Variants in NBAS observed in about 807,000 individuals in gnomAD.
The protein encoded by NBAS is NAG/BC035112 fusion.
Under a neutral mutation model 302.5 loss-of-function variants are expected in NBAS, and 219 were observed. The observed-to-expected ratio is 0.72, with a 90% CI of 0.65 to 0.81. The LOEUF (loss-of-function observed/expected upper bound fraction) is 0.81. Among genes scored for constraint, NBAS ranks in the 30% least tolerant of loss-of-function variants. The pLI, the probability that NBAS is intolerant of heterozygous loss-of-function variation, is 0.00. For synonymous variants in NBAS, 1,118 were observed against 1,021.6 expected (o/e 1.09, Z -1.80); for missense variants, 2,932 against 2,841.6 (o/e 1.03, Z -0.72).
At chr2:15,528,366 T>C (rs893066599) in intron 9 of NBAS, among the ~76,000 whole-genome samples, 2 of 148,852 alleles carry the variant, frequency 1.3e-5, no homozygotes, top group Non-Finnish European at 3.0e-5. Context: ...TTAATATATT[T>C]TTATATATAT....
At chr2:15,009,192 C>G in the NBAS span, among the ~76,000 whole-genome samples, 1 of 152,172 alleles carries the variant, frequency 6.6e-6, no homozygotes, top group Admixed American at 6.5e-5. Flanking sequence ...TGGACTGAGA[C>G]AAGAAAAAGG....
At chr2:14,863,135 A>G in the NBAS span, among the ~76,000 whole-genome samples, 1 of 152,224 alleles carries the variant, frequency 6.6e-6, no homozygotes, top group East Asian at 1.9e-4. Context: ...GCTCTGCAGA[A>G]GAGCATGACA....
chr2:15,370,441 C>G (rs572120847), intron 31 of NBAS, among the ~76,000 whole-genome samples: 1 of 152,276 alleles, frequency 6.6e-6, no homozygotes, highest in East Asian at 1.9e-4. Context: ...TACAGGCATG[C>G]ACCACCAAGC....
the NBAS span, among the ~76,000 whole-genome samples, chr2:15,047,532 T>C: frequency 5.9e-5 from 9 of 151,732 alleles, no homozygotes; most frequent in African/African-American, 2.2e-4. Context: ...CCCGGGCAGA[T>C]GAAGGCTGGA....
At chr2:15,346,596 A>G (rs879565781) in intron 35 of NBAS, among the ~76,000 whole-genome samples, 2 of 152,212 alleles carry the variant, frequency 1.3e-5, no homozygotes, top group Non-Finnish European at 2.9e-5. Flanking sequence ...CAGTATGGCA[A>G]TTTCTCAAGG....
the NBAS span, among the ~76,000 whole-genome samples, chr2:14,981,184 C>T: frequency 6.6e-6 from 1 of 152,012 alleles, no homozygotes; most frequent in Non-Finnish European, 1.5e-5. Flanking sequence ...TAAATGAAAA[C>T]ACCATGTTAA....
At chr2:15,302,716 T>C (rs544030404) in intron 40 of NBAS, among the ~76,000 whole-genome samples, 5 of 152,352 alleles carry the variant, frequency 3.3e-5, no homozygotes, top group South Asian at 2.1e-4. Context: ...GTATTGTTCC[T>C]GGGTGTGTCT....
At chr2:15,168,035 G>A (rs561738826) in intron 51 of NBAS, among the ~76,000 whole-genome samples, 75 of 152,134 alleles carry the variant, frequency 4.9e-4, no homozygotes, top group African/African-American at 1.5e-3. Flanking sequence ...TTCAGTTTGC[G>A]TATTCTCTTT....
the NBAS span, among the ~76,000 whole-genome samples, chr2:14,991,609 G>A: frequency 1.3e-5 from 2 of 152,186 alleles, no homozygotes; most frequent in Admixed American, 6.5e-5. Flanking sequence ...CATTAAATCA[G>A]AAACTCTGGA....
At chr2:15,363,387 T>C (rs1347351596) in intron 32 of NBAS, among the ~76,000 whole-genome samples, 1 of 152,244 alleles carries the variant, frequency 6.6e-6, no homozygotes, top group Non-Finnish European at 1.5e-5. Context: ...TCTTATGTTA[T>C]CAGATCAATT....
chr2:15,506,760 A>G (rs1156451337), intron 10 of NBAS, among the ~76,000 whole-genome samples: 1 of 152,194 alleles, frequency 6.6e-6, no homozygotes, highest in African/African-American at 2.4e-5. Context: ...CCAATGTACA[A>G]ATATTATGTA....
chr2:15,187,829 A>G (rs1441740469), intron 49 of NBAS, among the ~76,000 whole-genome samples: 1 of 152,230 alleles, frequency 6.6e-6, no homozygotes, highest in African/African-American at 2.4e-5. Context: ...CCCTGAAAAG[A>G]ATTTCAAGTG....
At chr2:15,418,967 A>G (rs1677076624) in intron 23 of NBAS, among the ~76,000 whole-genome samples, 1 of 152,190 alleles carries the variant, frequency 6.6e-6, no homozygotes, top group South Asian at 2.1e-4. Flanking sequence ...CTGATGAATG[A>G]AATGTACATG....
chr2:15,471,252 G>T (rs944112232), intron 16 of NBAS, among the ~76,000 whole-genome samples: 1 of 152,122 alleles, frequency 6.6e-6, no homozygotes, highest in Non-Finnish European at 1.5e-5. Flanking sequence ...CAGAATTAGT[G>T]TTTTGATTTT....
At chr2:15,311,838 G>A (rs905337747) in intron 38 of NBAS, among the ~76,000 whole-genome samples, 3 of 151,906 alleles carry the variant, frequency 2.0e-5, no homozygotes, top group African/African-American at 7.3e-5. Context: ...AAATCATCTC[G>A]GTGTTAGAAA....
At chr2:15,502,276 C>T (rs574755104) in intron 11 of NBAS, among the ~76,000 whole-genome samples, 1 of 152,328 alleles carries the variant, frequency 6.6e-6, no homozygotes, top group East Asian at 1.9e-4. Context: ...TGTGAAAATA[C>T]TTGTCAAAGT....
At chr2:15,256,888 T>A (rs1668625251) in intron 44 of NBAS, among the ~76,000 whole-genome samples, 1 of 152,238 alleles carries the variant, frequency 6.6e-6, no homozygotes, top group Non-Finnish European at 1.5e-5. Context: ...AATTCATCCC[T>A]GCATCCCTGG....
intron 38 of NBAS, among the ~76,000 whole-genome samples, chr2:15,309,751 A>G (rs1671195594): frequency 6.6e-6 from 1 of 152,230 alleles, no homozygotes; most frequent in Non-Finnish European, 1.5e-5. Flanking sequence ...CCACAAAAAG[A>G]AAATCAGTCT....
At chr2:15,393,444 A>ATC in intron 28 of NBAS, among the ~76,000 whole-genome samples, 1 of 152,266 alleles carries the variant, frequency 6.6e-6, no homozygotes, top group Admixed American at 6.5e-5. Context: ...TGATGAGGAT[A>ATC]TAGAAGAGCA....
Sources: gnomAD v4.1 joint callset for allele counts (sites outside exome capture counted in the v4.1 genomes callset) on GRCh38, gnomAD v4.1.1 for gene constraint, MANE v1.5 for transcripts, NCBI Gene and HGNC (gene_info 2026-07-23, HGNC 2026-07-21) for gene names.